Variants in IRAK3 observed in about 807,000 individuals in gnomAD.
The protein encoded by IRAK3 is interleukin 1 receptor associated kinase 3.
In IRAK3, 57 loss-of-function variants were observed where a neutral mutation model predicts 56.6. The ratio of observed to expected loss-of-function variants is 1.01; its 90% CI spans 0.81 to 1.26. IRAK3 has a LOEUF of 1.26. IRAK3 is among the 50% of genes most tolerant of loss of function. IRAK3 has a pLI of 0.00. For missense variants in IRAK3, 703 were observed against 719.0 expected (o/e 0.98, Z 0.25); for synonymous variants, 258 against 255.7 (o/e 1.01, Z -0.09).
chr12:66,250,949 C>T lies in IRAK3; in HGVS notation c.*2778C>T, dbSNP rs1234839203. ...CCGCTCTTCACATCCGTGAAAATCG[C>T]TGCCTTAAGGTGCTCTTAAATTGTT... On this transcript the variant is annotated 3_prime_UTR_variant, in exon 12 of 12. Transcript: ENST00000261233. 1.3e-5 allele frequency: 2 copies of T among 152,240 alleles called. No individual in the cohort carries two copies. The highest frequency in any genetic ancestry group is 2.9e-5 in the Non-Finnish European group (2 of 68,044). 9.4% of individuals were successfully genotyped at this position (152,240 alleles called of 1,614,324 possible). A position where few individuals can be genotyped will look rare whatever the true frequency, so the allele number is the denominator to read the frequency against.
intron 6 of IRAK3, among the ~76,000 whole-genome samples, chr12:66,220,330 G>A (rs956099798): frequency 9.3e-5 from 14 of 150,074 alleles, no homozygotes; most frequent in African/African-American, 3.2e-4. Context: ...TATATTCTTG[G>A]TGCCCTTTTC....
intron 8 of IRAK3, among the ~76,000 whole-genome samples, chr12:66,243,120 A>G (rs925215757): frequency 6.6e-6 from 1 of 151,868 alleles, no homozygotes; most frequent in Non-Finnish European, 1.5e-5. Flanking sequence ...TTGTCAACTC[A>G]GCCCTAGACA....
At chr12:66,235,491 G>T (rs2052897480) in intron 8 of IRAK3, among the ~76,000 whole-genome samples, 1 of 151,668 alleles carries the variant, frequency 6.6e-6, no homozygotes, top group South Asian at 2.1e-4. Context: ...AAAGTGCGGC[G>T]CGGCGCGGGG....
intron 1 of IRAK3, among the ~76,000 whole-genome samples, chr12:66,199,924 A>G (rs1376823938): frequency 1.3e-5 from 2 of 152,156 alleles, no homozygotes. Context: ...TGGCATTTGG[A>G]TAGTCTTTGC....
intron 8 of IRAK3, among the ~76,000 whole-genome samples, chr12:66,238,978 G>T (rs1177818795): frequency 6.6e-6 from 1 of 152,172 alleles, no homozygotes; most frequent in East Asian, 1.9e-4. Flanking sequence ...TGACTTACAG[G>T]ATCACTTAAA....
chr12:66,197,058 A>C, intron 1 of IRAK3: 1 of 1,453,182 alleles, frequency 6.9e-7, no homozygotes. Flanking sequence ...TCAGTCCTGC[A>C]CTCTCAAAAC....
chr12:66,209,599 C>T, intron 3 of IRAK3, 79 bp downstream of exon 3: 1 of 914,418 alleles, frequency 1.1e-6, no homozygotes, highest in Admixed American at 1.7e-5. Context: ...AATTAGCAGG[C>T]AGAAAAATGC....
chr12:66,240,876 ATCTC>A (rs1041730999), intron 8 of IRAK3, among the ~76,000 whole-genome samples: 1 of 149,788 alleles, frequency 6.7e-6, no homozygotes, highest in African/African-American at 2.4e-5. Flanking sequence ...GGGTATATAT[ATCTC>A]TCTCTCTTTA....
At chr12:66,198,142 G>T in intron 1 of IRAK3, 1 of 978,324 alleles carries the variant, frequency 1.0e-6, no homozygotes, top group Non-Finnish European at 1.2e-6. Context: ...AAAAGGTAAA[G>T]CTTCCATCTT....
chr12:66,209,654 C>T, intron 3 of IRAK3, 134 bp downstream of exon 3: 2 of 696,384 alleles, frequency 2.9e-6, no homozygotes, highest in South Asian at 3.1e-5. Context: ...CCTTTGTTCT[C>T]TCATTATTCT....
intron 8 of IRAK3, among the ~76,000 whole-genome samples, chr12:66,240,767 G>A (rs1453539730): frequency 6.6e-6 from 1 of 151,144 alleles, no homozygotes; most frequent in Non-Finnish European, 1.5e-5. Context: ...AGAGTTTCCA[G>A]GCACCCAGGC....
chr12:66,237,107 G>C (rs979722133), intron 8 of IRAK3, among the ~76,000 whole-genome samples: 4 of 151,930 alleles, frequency 2.6e-5, no homozygotes, highest in Non-Finnish European at 2.9e-5. Flanking sequence ...CTGTGATCTT[G>C]GGCAAGTCAC....
At chr12:66,235,122 G>C (rs1004428461) in intron 8 of IRAK3, 1 of 1,613,464 alleles carries the variant, frequency 6.2e-7, no homozygotes, top group Non-Finnish European at 8.5e-7. Flanking sequence ...TTGCTGAGCT[G>C]ATCCCATCCT....
chr12:66,210,318 T>C, intron 4 of IRAK3, 117 bp downstream of exon 4: 1 of 662,040 alleles, frequency 1.5e-6, no homozygotes, highest in Non-Finnish European at 2.7e-6. Context: ...AAATTCGGTA[T>C]AAAATTTCAT....
In IRAK3 at chr12:66,252,305, T is replaced by G. The variant is rs777232773; in HGVS notation, c.*4134T>G. On this transcript the variant is annotated 3_prime_UTR_variant, in exon 12 of 12. Coordinates refer to ENST00000261233, the MANE Select transcript of IRAK3 (RefSeq NM_007199.3). ...GATCTGGAGGAGCCAGGATTTGAAC[T>G]CACATTTGTCTGACTTCAAAATCCA... The G allele has an allele frequency of 1.3e-5, 2 of 152,196 alleles. No homozygotes were observed. Among genetic ancestry groups the G allele is most frequent in the Non-Finnish European group, 2.9e-5 (2 of 68,022 alleles). 9.4% of individuals were successfully genotyped at this position (152,196 alleles called of 1,614,324 possible).
rs561675294 is a variant in IRAK3, at chr12:66,189,503, C to T, written c.133+71C>T. On this transcript the variant is annotated intron_variant, in intron 1 of 11. Coordinates refer to ENST00000261233, the MANE Select transcript of IRAK3 (RefSeq NM_007199.3). ...GCCGCGGGGCCCGCTCGGCGTCGCC[C>T]TGCATGGCTGGGGTCCCTCGCGGGG... 3,635 of 1,026,714 alleles carry T rather than the reference C, an allele frequency of 3.5e-3. 12 individuals carry two copies. The highest frequency in any genetic ancestry group is 3.7e-3 in the Non-Finnish European group (3,139 of 837,180). 63.6% of individuals were successfully genotyped at this position (1,026,714 alleles called of 1,614,324 possible). A position where few individuals can be genotyped will look rare whatever the true frequency, so the allele number is the denominator to read the frequency against.
Position 66,251,968 on chromosome 12 carries a change from A to G in IRAK3, c.*3797A>G, listed in dbSNP as rs1156528185. ...CTATGCATTTTTGAGAGGATGAAGA[A>G]GGCTTCTTGGAGAAGGTTTCTGAAA... On this transcript the variant is annotated 3_prime_UTR_variant, in exon 12 of 12. Coordinates refer to ENST00000261233, the MANE Select transcript of IRAK3 (RefSeq NM_007199.3). The G allele has an allele frequency of 6.6e-6, 1 of 152,226 alleles. No homozygotes were observed. Among genetic ancestry groups the G allele is most frequent in the African/African-American group, 2.4e-5 (1 of 41,446 alleles). 9.4% of individuals were successfully genotyped at this position (152,226 alleles called of 1,614,324 possible).
intron 2 of IRAK3, 37 bp from the exon 3 acceptor site, chr12:66,209,419 A>T (rs1485616777): frequency 1.2e-5 from 16 of 1,341,514 alleles, no homozygotes; most frequent in Non-Finnish European, 1.6e-5. Context: ...GGGACATAAA[A>T]TTTTTTTGTA....
At chr12:66,196,975 G>A in intron 1 of IRAK3, 3 of 1,534,024 alleles carry the variant, frequency 2.0e-6, no homozygotes, top group Non-Finnish European at 2.6e-6. Flanking sequence ...ATACGGATGT[G>A]TTGCATTATT....
Sources: allele counts gnomAD v4.1 joint callset (sites outside exome capture counted in the v4.1 genomes callset), GRCh38; gene constraint gnomAD v4.1.1; transcripts MANE v1.5; gene names NCBI Gene and HGNC (gene_info 2026-07-23, HGNC 2026-07-21).